The following NXPH2 variants were observed in gnomAD, a reference collection of about 807,000 sequenced individuals.
NXPH2 encodes the protein neurexophilin 2, also known as neurexophilin-2.
A neutral mutation model predicts 19.8 loss-of-function variants in NXPH2; 5 were observed. The ratio of observed to expected loss-of-function variants is 0.25; its 90% confidence interval spans 0.13 to 0.53. The LOEUF is 0.53. NXPH2 is among the 20% of genes least tolerant of loss of function. The probability of loss-of-function intolerance (pLI) is 0.96; values close to 1 mark genes in which losing one functional copy is unlikely to be tolerated. For synonymous variants in NXPH2, 154 were observed against 127.4 expected (o/e 1.21, Z -1.41); for missense variants, 289 against 322.8 (o/e 0.90, Z 0.80).
chr2:138,717,896 G>A (rs1681216396), intron 1 of NXPH2, among the ~76,000 whole-genome samples: 1 of 152,052 alleles, frequency 6.6e-6, no homozygotes, highest in African/African-American at 2.4e-5. Flanking sequence ...ATTAAAATAA[G>A]ATTGCTGAAA....
At chr2:138,679,248 G>C (rs1680533196) in intron 1 of NXPH2, among the ~76,000 whole-genome samples, 1 of 152,142 alleles carries the variant, frequency 6.6e-6, no homozygotes, top group African/African-American at 2.4e-5. Context: ...CCTAATAGGT[G>C]GTACTTTTGT....
intron 1 of NXPH2, among the ~76,000 whole-genome samples, chr2:138,691,649 T>G (rs923814951): frequency 2.0e-5 from 3 of 152,172 alleles, no homozygotes; most frequent in Non-Finnish European, 4.4e-5. Flanking sequence ...TCTTGGAACC[T>G]GAGCGACAAG....
chr2:138,697,736 AAAAC>A (rs1357122255), intron 1 of NXPH2, among the ~76,000 whole-genome samples: 2 of 151,920 alleles, frequency 1.3e-5, no homozygotes, highest in Admixed American at 1.3e-4. Flanking sequence ...ATGTTTGAGA[AAAAC>A]AAAATAAAAA....
At chr2:138,778,190 C>T (rs1201455139) in intron 1 of NXPH2, among the ~76,000 whole-genome samples, 1 of 152,184 alleles carries the variant, frequency 6.6e-6, no homozygotes, top group East Asian at 1.9e-4. Flanking sequence ...TGTAAACAGC[C>T]TTTTATTGTC....
At chr2:138,739,590 G>C (rs963107948) in intron 1 of NXPH2, among the ~76,000 whole-genome samples, 3 of 152,178 alleles carry the variant, frequency 2.0e-5, no homozygotes, top group African/African-American at 4.8e-5. Flanking sequence ...GGGAGGCAAG[G>C]CTGGTGGGAC....
chr2:138,727,352 C>T (rs1681375351), intron 1 of NXPH2, among the ~76,000 whole-genome samples: 2 of 152,176 alleles, frequency 1.3e-5, no homozygotes, highest in South Asian at 4.1e-4. Context: ...CCCCCAGCAA[C>T]GAATGAAAAT....
intron 1 of NXPH2, among the ~76,000 whole-genome samples, chr2:138,765,861 C>T (rs1188518819): frequency 6.6e-6 from 1 of 152,226 alleles, no homozygotes; most frequent in African/African-American, 2.4e-5. Context: ...TATTAACCAA[C>T]CAATATTTGT....
rs964301136 is a variant in NXPH2, at chr2:138,723,208, A to C, written c.52-51543T>G. Among the ~76,000 whole-genome samples the C allele has an allele frequency of 2.0e-5, 3 of 152,204 alleles. No individual in the cohort carries two copies. In the East Asian group the frequency reaches 5.8e-4, roughly 29 times the overall value. On this transcript the variant is annotated intron_variant, in intron 1 of 1. Coordinates refer to ENST00000272641, the MANE Select transcript of NXPH2 (RefSeq NM_007226.3). The stretch of plus-strand genomic sequence containing the variant: ...GACAAACAAACTGGGTCCATTTCTC[A>C]AAGCTCAAAGCCCTCATCCAAGGAA...
Position 138,707,680 on chromosome 2 carries a change from T to C in NXPH2, c.52-36015A>G, listed in dbSNP as rs868674528. 6.6e-5 allele frequency among the ~76,000 whole-genome samples: 10 copies of C among 152,342 alleles called. 1 individual carries two copies. In the South Asian group the frequency reaches 1.7e-3, roughly 25 times the overall value. ...TTGCCATATTGATGACTCACAACTT[T>C]AGTTTATTTTCAACTAAAACTTTTC... On this transcript the variant is annotated intron_variant, in intron 1 of 1. Coordinates refer to ENST00000272641, the MANE Select transcript of NXPH2 (RefSeq NM_007226.3).
chr2:138,688,277 G>C (rs778950959), intron 1 of NXPH2, among the ~76,000 whole-genome samples: 1 of 152,142 alleles, frequency 6.6e-6, no homozygotes, highest in Admixed American at 6.6e-5. Flanking sequence ...TCCGCCTTCC[G>C]GGTTCAAGCC....
intron 1 of NXPH2, among the ~76,000 whole-genome samples, chr2:138,726,501 GA>G (rs1428711746): frequency 7.1e-6 from 1 of 139,926 alleles, no homozygotes; most frequent in Non-Finnish European, 1.5e-5. Context: ...CATCTTTTTG[GA>G]AAAAAGTAAA....
At chr2:138,780,138 C>G (rs937488500) in intron 1 of NXPH2, 53 bp downstream of exon 1, 31 of 1,462,902 alleles carry the variant, frequency 2.1e-5, no homozygotes, top group Non-Finnish European at 1.9e-5. Flanking sequence ...GCGCGGTTTT[C>G]CCGCCGAAAC....
intron 1 of NXPH2, among the ~76,000 whole-genome samples, chr2:138,718,818 T>C (rs1357486239): frequency 6.6e-6 from 1 of 152,184 alleles, no homozygotes; most frequent in African/African-American, 2.4e-5. Context: ...TCAAAAGCTT[T>C]GAATTAACCT....
chr2:138,773,626 T>C (rs774957357), intron 1 of NXPH2, among the ~76,000 whole-genome samples: 46 of 152,292 alleles, frequency 3.0e-4, no homozygotes, highest in Non-Finnish European at 5.9e-4. Flanking sequence ...AATTACTGTT[T>C]TGGGCGAATA....
intron 1 of NXPH2, among the ~76,000 whole-genome samples, chr2:138,674,917 C>T (rs550952882): frequency 6.6e-6 from 1 of 152,314 alleles, no homozygotes; most frequent in Non-Finnish European, 1.5e-5. Context: ...ATTTGCGGAA[C>T]ATCTGGTTTA....
At position 138,780,311 on chromosome 2, in the gene NXPH2, G is replaced by T; in HGVS notation, c.-70C>A. 2.3e-6 allele frequency: 3 copies of T among 1,294,584 alleles called. No homozygotes were observed. The highest frequency in any genetic ancestry group is 3.7e-5 in the Admixed American group (1 of 27,252). 80.2% of individuals were successfully genotyped at this position (1,294,584 alleles called of 1,614,324 possible). ...GCCTCTCGCGCATCTCCACTTCGCGGGGCAGGACTGAGGACGCCAGGGACA... is the reference window on the plus strand; with the variant it reads ...GCCTCTCGCGCATCTCCACTTCGCGTGGCAGGACTGAGGACGCCAGGGACA... On this transcript the variant is annotated 5_prime_UTR_variant, in exon 1 of 2. Coordinates refer to ENST00000272641, the MANE Select transcript of NXPH2 (RefSeq NM_007226.3).
At chr2:138,772,379 C>T (rs1573985491) in intron 1 of NXPH2, among the ~76,000 whole-genome samples, 1 of 152,208 alleles carries the variant, frequency 6.6e-6, no homozygotes, top group Non-Finnish European at 1.5e-5. Flanking sequence ...TCAACACAAC[C>T]TCTGCCTCTT....
chr2:138,688,095 T>C (rs1431071523), intron 1 of NXPH2, among the ~76,000 whole-genome samples: 1 of 152,210 alleles, frequency 6.6e-6, no homozygotes, highest in African/African-American at 2.4e-5. Context: ...GGTAGCTTGA[T>C]GGGGATGGCA....
intron 1 of NXPH2, among the ~76,000 whole-genome samples, chr2:138,686,533 AT>A (rs1680655117): frequency 6.9e-6 from 1 of 144,252 alleles, no homozygotes; most frequent in South Asian, 2.2e-4. Context: ...AGTTGTAGAA[AT>A]TGTTATTTAT....
Sources: gnomAD v4.1 joint callset for allele counts (sites outside exome capture counted in the v4.1 genomes callset) on GRCh38, gnomAD v4.1.1 for gene constraint, MANE v1.5 for transcripts, NCBI Gene and HGNC (gene_info 2026-07-23, HGNC 2026-07-21) for gene names.